Variants in ANK2 observed in about 807,000 individuals in gnomAD.
ANK2 encodes the protein ankyrin-2.
Under a neutral mutation model 360.5 loss-of-function variants are expected in ANK2, and 83 were observed. That is an observed-to-expected ratio of 0.23 (90% CI 0.19 to 0.28). The LOEUF is 0.28. Among genes scored for constraint, ANK2 ranks in the 10% least tolerant of loss-of-function variants. ANK2 has a pLI of 1.00. For missense variants in ANK2, 4,201 were observed against 4,795.7 expected (o/e 0.88, Z 3.66); for synonymous variants, 1,740 against 1,759.5 (o/e 0.99, Z 0.28).
intron 2 of ANK2, among the ~76,000 whole-genome samples, chr4:113,043,114 A>G (rs1296458922): frequency 6.6e-6 from 1 of 152,144 alleles, no homozygotes; most frequent in Admixed American, 6.6e-5. Context: ...ATAAATTTAG[A>G]GGAGAAAGAC....
chr4:113,199,200 T>C, intron 4 of ANK2, 91 bp downstream of exon 4: 1 of 1,002,350 alleles, frequency 1.0e-6, no homozygotes, highest in Non-Finnish European at 1.5e-6. Flanking sequence ...GCTGTTCTAC[T>C]GATAAATTTA....
the ANK2 span, among the ~76,000 whole-genome samples, chr4:112,751,558 G>A: frequency 6.6e-6 from 1 of 152,090 alleles, no homozygotes; most frequent in South Asian, 2.1e-4. Flanking sequence ...CTGTGTGGAG[G>A]AGCTGTGGAT....
At chr4:113,223,314 A>C (rs1033532812) in intron 4 of ANK2, among the ~76,000 whole-genome samples, 3 of 152,170 alleles carry the variant, frequency 2.0e-5, no homozygotes, top group Non-Finnish European at 2.9e-5. Flanking sequence ...AGAAACTTAA[A>C]TCTTGACGTT....
intron 2 of ANK2, among the ~76,000 whole-genome samples, chr4:113,024,650 A>G (rs2058865996): frequency 6.6e-6 from 1 of 152,134 alleles, no homozygotes; most frequent in African/African-American, 2.4e-5. Context: ...ATGACTGTAT[A>G]ACTTGTTCCT....
At chr4:113,275,728 A>C (rs546053989) in intron 15 of ANK2, among the ~76,000 whole-genome samples, 20 of 152,162 alleles carry the variant, frequency 1.3e-4, no homozygotes, top group African/African-American at 3.9e-4. Flanking sequence ...AAAAAAAAAA[A>C]AACTAAGCAA....
intron 1 of ANK2, among the ~76,000 whole-genome samples, chr4:112,830,962 C>T (rs1187166786): frequency 5.3e-5 from 8 of 152,218 alleles, no homozygotes; most frequent in Non-Finnish European, 8.8e-5. Context: ...CCAGCAGCTG[C>T]GGAGGGTGCC....
rs187606525 is a variant in ANK2, at chr4:113,254,416, C to T, written c.991-1319C>T. Reference sequence around the variant, plus strand: ...TAGATGATGAATATTTTATTTTCCACGTAAATAACCTTCAAATAGGTAAAA... The same window carrying T: ...TAGATGATGAATATTTTATTTTCCATGTAAATAACCTTCAAATAGGTAAAA... On this transcript the variant is annotated intron_variant, in intron 10 of 45. Transcript: ENST00000357077. 9.1e-4 allele frequency among the ~76,000 whole-genome samples: 138 copies of T among 152,186 alleles called. 3 individuals carry two copies. The highest frequency in any genetic ancestry group is 6.8e-3 in the Middle Eastern group (2 of 294).
At chr4:112,732,461 A>G in the ANK2 span, among the ~76,000 whole-genome samples, 11 of 152,086 alleles carry the variant, frequency 7.2e-5, no homozygotes, top group Non-Finnish European at 1.5e-4. Context: ...TGCCCAGGCT[A>G]GTCTCAAACT....
intron 45 of ANK2, among the ~76,000 whole-genome samples, chr4:113,375,475 C>T (rs1480282548): frequency 1.3e-5 from 2 of 151,644 alleles, no homozygotes; most frequent in Non-Finnish European, 2.9e-5. Flanking sequence ...CCTGTAATCC[C>T]AGCACTTTGG....
chr4:112,720,020 C>T, the ANK2 span, among the ~76,000 whole-genome samples: 1 of 152,234 alleles, frequency 6.6e-6, no homozygotes, highest in East Asian at 1.9e-4. Context: ...TCCTAAAGAG[C>T]TGTACTTATT....
intron 2 of ANK2, among the ~76,000 whole-genome samples, chr4:112,919,594 A>G (rs2090922015): frequency 1.3e-5 from 2 of 152,154 alleles, no homozygotes; most frequent in Non-Finnish European, 2.9e-5. Context: ...TATTTTTCAT[A>G]AGACAAATGA....
rs576342307 is a variant in ANK2 at position 112,853,109 on chromosome 4, G to A, written c.-40+34845G>A. On this transcript the variant is annotated intron_variant, in intron 1 of 30. Transcript: ENST00000503271. ...TTTTGAGACGAAGTCTCGCTCTCTC[G>A]CCAGGCTAGAGTGCTGTGGCGTGAT... Among the ~76,000 whole-genome samples, 807 of 151,560 alleles carry A rather than the reference G, an allele frequency of 5.3e-3. 3 individuals are homozygous for A. Among genetic ancestry groups the A allele is most frequent in the African/African-American group, 0.018 (728 of 41,306 alleles).
At chr4:113,152,065 C>CAAAAA (rs1232657248) in intron 1 of ANK2, among the ~76,000 whole-genome samples, 13 of 62,252 alleles carry the variant, frequency 2.1e-4, no homozygotes, top group African/African-American at 2.8e-4. Flanking sequence ...GTCTCTGTCT[C>CAAAAA]AAAAAAAAAA....
chr4:112,854,103 G>A (rs2065730617), intron 1 of ANK2, among the ~76,000 whole-genome samples: 12 of 152,182 alleles, frequency 7.9e-5, no homozygotes. Context: ...GAGGAGGAAT[G>A]GGGACCCAAG....
chr4:113,342,926 T>C, intron 33 of ANK2, 91 bp from the exon 34 acceptor site: 2 of 1,522,476 alleles, frequency 1.3e-6, no homozygotes, highest in East Asian at 2.3e-5. Context: ...TTATAAGAAT[T>C]TGAAGTTCCA....
At chr4:112,962,181 C>T (rs1379879461) in intron 2 of ANK2, among the ~76,000 whole-genome samples, 3 of 152,038 alleles carry the variant, frequency 2.0e-5, no homozygotes, top group Non-Finnish European at 2.9e-5. Context: ...GTTAATTTTT[C>T]AACCCATACT....
chr4:113,098,780 T>G (rs754759563), intron 1 of ANK2, among the ~76,000 whole-genome samples: 1 of 151,914 alleles, frequency 6.6e-6, no homozygotes, highest in Non-Finnish European at 1.5e-5. Flanking sequence ...TGTAAAAATA[T>G]TGAACAGAAA....
At chr4:113,060,959 G>T (rs575188493) in intron 1 of ANK2, among the ~76,000 whole-genome samples, 1 of 152,090 alleles carries the variant, frequency 6.6e-6, no homozygotes, top group South Asian at 2.1e-4. Flanking sequence ...CATGTTGCTT[G>T]TCCTAATTCA....
intron 1 of ANK2, among the ~76,000 whole-genome samples, chr4:112,854,929 C>A (rs752381193): frequency 2.0e-4 from 30 of 151,896 alleles, no homozygotes; most frequent in Non-Finnish European, 3.8e-4. Context: ...GTATTTTTTT[C>A]TTTTGACTGG....
Sources: allele counts gnomAD v4.1 joint callset (sites outside exome capture counted in the v4.1 genomes callset), GRCh38; gene constraint gnomAD v4.1.1; transcripts MANE v1.5; gene names NCBI Gene and HGNC (gene_info 2026-07-23, HGNC 2026-07-21).